RGS22: variants seen among roughly 807,000 people sequenced by gnomAD.
RGS22 encodes regulator of G-protein signaling 22.
RGS22 carries 148 observed loss-of-function variants against 172.9 expected under a neutral mutation model. The observed-to-expected ratio is 0.86, with a 90% CI of 0.75 to 0.98. The LOEUF is 0.98. Among genes scored for constraint, RGS22 ranks in the 50% least tolerant of loss-of-function variants. The probability of loss-of-function intolerance (pLI) is 0.00; values close to 1 mark genes in which losing one functional copy is unlikely to be tolerated. For synonymous variants in RGS22, 458 were observed against 480.2 expected, an observed-to-expected ratio of 0.95 and a Z score of 0.60; for missense variants, 1,347 against 1,440.8, an observed-to-expected ratio of 0.93 and a Z score of 1.05.
Position 100,071,550 on chromosome 8 carries a change from A to C in RGS22, c.426-13T>G, listed in dbSNP as rs1810982704. The C allele has an allele frequency of 6.3e-7, 1 of 1,579,586 alleles. No individual in the cohort carries two copies. Among genetic ancestry groups the C allele is most frequent in the Admixed American group, 1.9e-5 (1 of 52,256 alleles). ...CAATTTGGCTAACCTGCATTTTAGA[A>C]ATCATACAAATTTAAAACAAGTTTC... is the stretch of plus-strand genomic sequence containing the variant. On this transcript the variant is annotated splice_polypyrimidine_tract_variant and intron_variant, in intron 5 of 27. Transcript: ENST00000360863.
chr8:100,005,513 A>G (rs1205795988), intron 16 of RGS22, among the ~76,000 whole-genome samples: 1 of 152,162 alleles, frequency 6.6e-6, no homozygotes, highest in Non-Finnish European at 1.5e-5. Flanking sequence ...AAAAGATTCA[A>G]CTTTATGAAT....
chr8:100,096,999 T>G (rs1460444677), intron 2 of RGS22, among the ~76,000 whole-genome samples: 1 of 152,116 alleles, frequency 6.6e-6, no homozygotes, highest in East Asian at 1.9e-4. Context: ...CAGAAGAGAC[T>G]CAAGTGGGAA....
chr8:100,091,901 C>G (rs148466497), intron 3 of RGS22: 6 of 152,228 alleles, frequency 3.9e-5, no homozygotes, highest in Non-Finnish European at 8.8e-5. Context: ...CTTGAATATC[C>G]TGTGGTGTTG....
chr8:100,093,007 C>T (rs1396938040), intron 3 of RGS22, among the ~76,000 whole-genome samples: 7 of 152,192 alleles, frequency 4.6e-5, no homozygotes, highest in Non-Finnish European at 8.8e-5. Context: ...TTATCTCTGT[C>T]AAAAGTCTAA....
chr8:100,007,751 C>T (rs999715634), intron 15 of RGS22, among the ~76,000 whole-genome samples: 1 of 149,026 alleles, frequency 6.7e-6, no homozygotes, highest in African/African-American at 2.5e-5. Context: ...TAAAGTCTTT[C>T]GTTAGACAAC....
intron 8 of RGS22, among the ~76,000 whole-genome samples, chr8:100,063,001 C>A (rs1315336569): frequency 6.6e-6 from 1 of 152,112 alleles, no homozygotes; most frequent in Non-Finnish European, 1.5e-5. Context: ...TGGCATCCAA[C>A]CAAGGTTATG....
intron 4 of RGS22, among the ~76,000 whole-genome samples, chr8:100,075,130 G>A (rs1439606027): frequency 6.6e-6 from 1 of 152,132 alleles, no homozygotes; most frequent in Non-Finnish European, 1.5e-5. Flanking sequence ...TCAGGAGTAG[G>A]ATAGATGGGC....
At chr8:100,089,015 G>A (rs555413464) in intron 3 of RGS22, among the ~76,000 whole-genome samples, 2 of 152,064 alleles carry the variant, frequency 1.3e-5, no homozygotes, top group East Asian at 1.9e-4. Flanking sequence ...GGAAGATGTT[G>A]AAATAAAAAC....
At chr8:99,969,352 G>C (rs1811086640) in intron 23 of RGS22, among the ~76,000 whole-genome samples, 1 of 152,138 alleles carries the variant, frequency 6.6e-6, no homozygotes, top group Non-Finnish European at 1.5e-5. Context: ...AAAATAATCA[G>C]CTAGCATCAT....
rs142818129 is a variant in RGS22, at chr8:100,056,959, C to T, written c.1515-3983G>A. ...GTTTGCACTGTGTGCCCGGAAAAGA[C>T]GCAGACACTCAATGCCAGCCCATGA... On this transcript the variant is annotated intron_variant, in intron 9 of 27. Transcript: ENST00000360863. Among the ~76,000 whole-genome samples, 537 of 152,288 alleles carry T rather than the reference C, an allele frequency of 3.5e-3. 2 individuals are homozygous for T. The highest frequency in any genetic ancestry group is 0.012 in the African/African-American group (493 of 41,546).
chr8:100,076,328 AT>A (rs1447026428), intron 4 of RGS22, among the ~76,000 whole-genome samples: 5 of 152,100 alleles, frequency 3.3e-5, no homozygotes, highest in African/African-American at 1.2e-4. Context: ...CTTAAATAGA[AT>A]TATCTTTTTT....
intron 23 of RGS22, among the ~76,000 whole-genome samples, chr8:99,969,411 G>A (rs185672962): frequency 4.5e-4 from 69 of 152,196 alleles, no homozygotes; most frequent in African/African-American, 1.6e-3. Flanking sequence ...TATGTAAATA[G>A]GCTAAATGCC....
intron 22 of RGS22, among the ~76,000 whole-genome samples, chr8:99,978,842 A>T (rs1289172949): frequency 6.6e-6 from 1 of 152,166 alleles, no homozygotes; most frequent in Non-Finnish European, 1.5e-5. Context: ...CCTTTACCTA[A>T]TACCCTGGAA....
chr8:100,075,370 GC>G (rs1811276869), intron 4 of RGS22, among the ~76,000 whole-genome samples: 1 of 152,130 alleles, frequency 6.6e-6, no homozygotes, highest in African/African-American at 2.4e-5. Context: ...TACCTCTCTT[GC>G]CATGTGATAT....
intron 18 of RGS22, among the ~76,000 whole-genome samples, chr8:100,001,184 C>T (rs1205818866): frequency 2.7e-5 from 3 of 110,248 alleles, no homozygotes; most frequent in Non-Finnish European, 3.8e-5. Context: ...CACAAACCTA[C>T]CGCTGAATCC....
At position 100,071,557 on chromosome 8, in the gene RGS22, C is replaced by A; in HGVS notation, c.426-20G>T. ...GCTAACCTGCATTTTAGAAATCATA[C>A]AAATTTAAAACAAGTTTCAAATATG... On this transcript the variant is annotated intron_variant, in intron 5 of 27. Transcript: ENST00000360863. 1.3e-6 allele frequency: 2 copies of A among 1,576,718 alleles called. No homozygotes were observed. The highest frequency in any genetic ancestry group is 1.9e-5 in the Admixed American group (1 of 52,246).
At chr8:100,007,168 T>C (rs1815819189) in intron 15 of RGS22, among the ~76,000 whole-genome samples, 1 of 152,208 alleles carries the variant, frequency 6.6e-6, no homozygotes, top group Admixed American at 6.5e-5. Flanking sequence ...AAGGTAACTC[T>C]ATCCAAGGTG....
intron 9 of RGS22, among the ~76,000 whole-genome samples, chr8:100,056,917 T>C (rs562776440): frequency 2.0e-5 from 3 of 152,180 alleles, no homozygotes; most frequent in Non-Finnish European, 4.4e-5. Context: ...GACCCCGGAA[T>C]GGTAGATCCA....
At position 100,047,410 on chromosome 8, in the gene RGS22, T is replaced by C. The variant is rs1175297079; in HGVS notation, c.1823+53A>G. The C allele has an allele frequency of 2.0e-6, 3 of 1,493,644 alleles. No individual in the cohort carries two copies. The East Asian group carries it at 7.0e-5, about 35-fold the overall frequency. The allele number at this position is 1,493,644 out of a possible 1,614,324, so 92.5% of individuals were successfully genotyped here. A position where few individuals can be genotyped will look rare whatever the true frequency, so the allele number is the denominator to read the frequency against. ...ATTTCTGTTTAGTTTTTAAATTCTC[T>C]AAAACGCTTAGTATTGCAGAAAAGC... On this transcript the variant is annotated intron_variant, in intron 11 of 27. Coordinates refer to ENST00000360863, the MANE Select transcript of RGS22 (RefSeq NM_015668.5).
Sources: gnomAD v4.1 joint callset for allele counts (sites outside exome capture counted in the v4.1 genomes callset) on GRCh38, gnomAD v4.1.1 for gene constraint, MANE v1.5 for transcripts, NCBI Gene and HGNC (gene_info 2026-07-23, HGNC 2026-07-21) for gene names.